Variants in DNAH2 observed in about 807,000 individuals in gnomAD.
The protein encoded by DNAH2 is axonemal beta dynein heavy chain 2.
In DNAH2, 323 loss-of-function variants were observed where a neutral mutation model predicts 523.5. That is an observed-to-expected ratio of 0.62 (90% confidence interval 0.56 to 0.68). The LOEUF (loss-of-function observed/expected upper bound fraction) is 0.68. Ranked by LOEUF, DNAH2 falls within the 30% of genes least tolerant of loss-of-function variation. The pLI, the probability that DNAH2 is intolerant of heterozygous loss-of-function variation, is 0.00. For missense variants in DNAH2, 4,907 were observed against 5,701.5 expected, an observed-to-expected ratio of 0.86 and a Z score of 4.49; for synonymous variants, 2,093 against 2,177.4, an observed-to-expected ratio of 0.96 and a Z score of 1.08.
chr17:7,770,109 TA>T, intron 24 of DNAH2, 142 bp from the exon 25 acceptor site: 1 of 1,139,464 alleles, frequency 8.8e-7, no homozygotes, highest in Non-Finnish European at 1.2e-6. Context: ...CCCTGGTGCC[TA>T]AGATTGCATC....
intron 48 of DNAH2, among the ~76,000 whole-genome samples, chr17:7,793,469 TTC>T (rs1436881894): frequency 3.8e-5 from 5 of 130,328 alleles, no homozygotes; most frequent in Admixed American, 7.8e-5. Flanking sequence ...CTTTCTTTCT[TTC>T]TTTCTTTCTT....
intron 45 of DNAH2, 68 bp from the exon 46 acceptor site, chr17:7,792,184 G>T (rs1004430084): frequency 6.2e-7 from 1 of 1,602,018 alleles, no homozygotes; most frequent in Non-Finnish European, 8.5e-7. Flanking sequence ...GGTGGTCTGG[G>T]GCCCGTTCTC....
At chr17:7,729,829 AATAAAAC>A (rs1215558163) in intron 4 of DNAH2, among the ~76,000 whole-genome samples, 9 of 152,204 alleles carry the variant, frequency 5.9e-5, no homozygotes, top group Non-Finnish European at 1.0e-4. Context: ...AAGAAAAGTG[AATAAAAC>A]ATAAAACACC....
Position 7,829,263 on chromosome 17 carries a change from C to T in DNAH2, c.11854-1037C>T, listed in dbSNP as rs557888119. On this transcript the variant is annotated intron_variant, in intron 77 of 85. Transcript: ENST00000572933. ...TCCTGACCTCCTGATCTGCCCACCT[C>T]GGCCTCCCAAAGTGCTGGGATTACA... is the stretch of plus-strand genomic sequence containing the variant. Among the ~76,000 whole-genome samples the T allele has an allele frequency of 1.9e-3, 289 of 151,952 alleles. 1 individual carries two copies. The highest frequency in any genetic ancestry group is 6.5e-3 in the African/African-American group (271 of 41,420).
At chr17:7,810,078 T>C (rs2151308392) in intron 63 of DNAH2, among the ~76,000 whole-genome samples, 1 of 150,470 alleles carries the variant, frequency 6.6e-6, no homozygotes, top group East Asian at 1.9e-4. Flanking sequence ...TTTTTTTTTT[T>C]TTTGAGACAG....
At chr17:7,792,428 A>C in intron 46 of DNAH2, 85 bp downstream of exon 46, 2 of 1,387,410 alleles carry the variant, frequency 1.4e-6, no homozygotes, top group Non-Finnish European at 2.0e-6. Context: ...TAGAAGCAAA[A>C]ATGAGCAATA....
Position 7,823,539 on chromosome 17 carries a change from T to C in DNAH2, c.11240T>C (p.Phe3747Ser). 6.2e-7 allele frequency: 1 copy of C among 1,614,102 alleles called. No homozygotes were observed. The highest frequency in any genetic ancestry group is 8.5e-7 in the Non-Finnish European group (1 of 1,180,012). ...ACAGAGCTAGACAAACTGACCAACT[T>C]CCACGGACTCATGAACTCCTTTGAG... The part of the protein sequence containing the change: ...NITELDKLTN[F>S]HGLMNSFEQY... Residue 3747 changes from phenylalanine (F) to serine (S), a missense_variant, in exon 74 of 86, where the codon TTC becomes TCC. Phe to Ser is a radical substitution (Grantham distance 155). Coordinates refer to ENST00000572933, the MANE Select transcript of DNAH2 (RefSeq NM_020877.5).
At chr17:7,740,070 G>GGGT (rs1567621530) in intron 9 of DNAH2, 132 bp downstream of exon 9, 1 of 726,938 alleles carries the variant, frequency 1.4e-6, no homozygotes, top group African/African-American at 1.9e-5. Context: ...GTGGCCCGGG[G>GGGT]GGGGGGACAG....
At chr17:7,822,191 G>A (rs535696626) in intron 73 of DNAH2, among the ~76,000 whole-genome samples, 13 of 152,132 alleles carry the variant, frequency 8.5e-5, no homozygotes, top group Non-Finnish European at 1.0e-4. Flanking sequence ...GGCTGGTCTC[G>A]AACTCCTGGG....
chr17:7,763,085 T>C (rs1451659202), intron 18 of DNAH2, among the ~76,000 whole-genome samples: 18 of 150,130 alleles, frequency 1.2e-4, no homozygotes, highest in Admixed American at 9.9e-4. Context: ...AAGTGATTCT[T>C]CTGCCTCAGC....
Position 7,831,661 on chromosome 17 carries a change from G to T in DNAH2, c.12612G>T (p.Leu4204=). ...TAACACTCCACCTCATCCTGCTCAG[G>T]TTCTCACTGACAGACCTAGAGAAAG... The part of the protein sequence containing the change: ...QRYNTLMQTI[L]FSLTDLEKGI... The change falls in exon 82 of 86, where the codon CTG becomes CTT. Residue 4204 remains leucine, a splice_region_variant and synonymous_variant. Coordinates refer to ENST00000572933, the MANE Select transcript of DNAH2 (RefSeq NM_020877.5). The surrounding 1 kb of genome is among the most constrained non-coding windows in gnomAD (Gnocchi z 4.2). The T allele has an allele frequency of 6.2e-7, 1 of 1,614,124 alleles. No homozygotes were observed. Among genetic ancestry groups the T allele is most frequent in the Non-Finnish European group, 8.5e-7 (1 of 1,179,994 alleles).
chr17:7,779,490 C>G (rs1354623678), intron 36 of DNAH2, 67 bp downstream of exon 36: 2 of 1,492,676 alleles, frequency 1.3e-6, no homozygotes, highest in East Asian at 4.6e-5. Flanking sequence ...GAAATAACTG[C>G]GCATCCTCCT....
At chr17:7,746,936 G>A (rs982210118) in intron 12 of DNAH2, among the ~76,000 whole-genome samples, 4 of 150,634 alleles carry the variant, frequency 2.7e-5, no homozygotes, top group East Asian at 1.9e-4. Flanking sequence ...GCAGTGAGCC[G>A]AGAATGCGCC....
At position 7,754,903 on chromosome 17, in the gene DNAH2, C is replaced by T. The variant is rs1025646325; in HGVS notation, c.1905-2188C>T. The T allele has an allele frequency of 4.9e-5, 28 of 565,758 alleles. No individual in the cohort carries two copies. The highest frequency in any genetic ancestry group is 6.9e-5 in the Non-Finnish European group (22 of 317,668). 35.0% of individuals were successfully genotyped at this position (565,758 alleles called of 1,614,324 possible). ...ACAGAAGGACAGGTGCCACCCACCC[C>T]GGGCTGCCGTCTGCATGGGGCTGGG... On this transcript the variant is annotated intron_variant, in intron 12 of 85. Transcript: ENST00000572933. This position sits in a 1 kb window ranked among gnomAD's most constrained non-coding sequence, Gnocchi z 4.6.
chr17:7,750,872 A>G (rs878995031), intron 12 of DNAH2, among the ~76,000 whole-genome samples: 1 of 152,188 alleles, frequency 6.6e-6, no homozygotes, highest in Admixed American at 6.5e-5. Context: ...TCCAATAAAG[A>G]CGGTAAAAAC....
chr17:7,781,003 T>C, intron 38 of DNAH2, 39 bp from the exon 39 acceptor site: 1 of 1,613,304 alleles, frequency 6.2e-7, no homozygotes, highest in Non-Finnish European at 8.5e-7. Flanking sequence ...GCCTAGGCCC[T>C]GCCTCCTCAA....
intron 8 of DNAH2, chr17:7,739,092 C>A: frequency 4.4e-6 from 3 of 682,332 alleles, no homozygotes; most frequent in Admixed American, 2.0e-5. Context: ...GGAACCAGGG[C>A]AAACGGGGCA....
chr17:7,732,850 C>T (rs2075028181), intron 4 of DNAH2, among the ~76,000 whole-genome samples: 1 of 152,110 alleles, frequency 6.6e-6, no homozygotes, highest in Non-Finnish European at 1.5e-5. Context: ...GTTCTGGAGC[C>T]TAGTTGGACA....
At chr17:7,749,037 G>A (rs1038702634) in intron 12 of DNAH2, among the ~76,000 whole-genome samples, 2 of 151,264 alleles carry the variant, frequency 1.3e-5, no homozygotes, top group African/African-American at 2.4e-5. Flanking sequence ...GGCCGGATGC[G>A]GTGGCTCGCA....
Sources: gnomAD v4.1 joint callset for allele counts (sites outside exome capture counted in the v4.1 genomes callset) on GRCh38, gnomAD v4.1.1 for gene constraint, Gnocchi (gnomAD v3.1) non-coding constraint, MANE v1.5 for transcripts, NCBI Gene and HGNC (gene_info 2026-07-23, HGNC 2026-07-21) for gene names.